TRMT61B: variants seen among roughly 807,000 people sequenced by gnomAD.
The protein encoded by TRMT61B is tRNA methyltransferase 61B, also known as tRNA (adenine(58)-N(1))-methyltransferase, mitochondrial.
A neutral mutation model predicts 52.0 loss-of-function variants in TRMT61B; 56 were observed. The observed-to-expected ratio is 1.08, with a 90% CI of 0.87 to 1.35. TRMT61B has a LOEUF of 1.35. Ranked by LOEUF, TRMT61B falls within the 40% of genes most tolerant of loss-of-function variation. The pLI is 0.00. For synonymous variants in TRMT61B, 206 were observed against 220.0 expected, an observed-to-expected ratio of 0.94 and a Z score of 0.56; for missense variants, 650 against 577.9, an observed-to-expected ratio of 1.12 and a Z score of -1.28.
chr2:28,850,706 C>G (rs1669054376), intron 5 of TRMT61B: 1 of 317,016 alleles, frequency 3.2e-6, no homozygotes, highest in Non-Finnish European at 5.7e-6. Flanking sequence ...TCAGTTCTTT[C>G]AAGAATTCCA....
rs1247685119 is a variant in TRMT61B at position 28,860,995 on chromosome 2, T to G, written c.993+123A>C. ...TAAAAGGCATGAAACGAAAATATTC[T>G]TTCAATCCCTAGAGATAGACATGAA... On this transcript the variant is annotated intron_variant, in intron 3 of 6. Coordinates refer to ENST00000306108, the MANE Select transcript of TRMT61B (RefSeq NM_017910.4). 4 of 801,242 alleles carry G rather than the reference T, an allele frequency of 5.0e-6. No homozygotes were observed. The Admixed American group carries it at 1.0e-4, about 21-fold the overall frequency. 49.6% of individuals were successfully genotyped at this position (801,242 alleles called of 1,614,324 possible).
chr2:28,862,724 C>T (rs1291027236), intron 2 of TRMT61B, among the ~76,000 whole-genome samples: 2 of 151,510 alleles, frequency 1.3e-5, no homozygotes, highest in Non-Finnish European at 2.9e-5. Context: ...GATACAGTGG[C>T]TCGCCACAGT....
rs1018160135 is a variant in TRMT61B at position 28,858,566 on chromosome 2, G to A, written c.993+2552C>T. 2.6e-5 allele frequency among the ~76,000 whole-genome samples: 4 copies of A among 151,398 alleles called. No individual in the cohort carries two copies. The South Asian group carries it at 8.4e-4, about 32-fold the overall frequency. ...TCCCAGCACTTTGGGAAGCTGAAGC[G>A]GGTGGATCGCTTGAGCCCTGGAGTT... On this transcript the variant is annotated intron_variant, in intron 3 of 6. Coordinates refer to ENST00000306108, the MANE Select transcript of TRMT61B (RefSeq NM_017910.4).
At chr2:28,864,802 T>C (rs963371553) in intron 2 of TRMT61B, among the ~76,000 whole-genome samples, 1 of 152,044 alleles carries the variant, frequency 6.6e-6, no homozygotes, top group South Asian at 2.1e-4. Context: ...ATGGAGAAAG[T>C]AAAACAAAGC....
rs144501479 is a variant in TRMT61B at position 28,850,230 on chromosome 2, T to C, written c.1403A>G (p.Lys468Arg). The C allele has an allele frequency of 1.2e-6, 2 of 1,611,942 alleles. No individual in the cohort carries two copies. Among genetic ancestry groups the C allele is most frequent in the Admixed American group, 1.7e-5 (1 of 59,958 alleles). ...AAGTTGTGGTTTGACCTTCCTCAAC[T>C]TGACAAGAAAAGCTAATTTAAGAGA... ...WQPGHTAFLV[K>R]LRKVKPQLN The change falls in exon 7 of 7, where the codon AAG becomes AGG. Residue 468 changes from lysine to arginine, a missense_variant. Physicochemically the swap from Lys to Arg is conservative, Grantham distance 26. Coordinates refer to ENST00000306108, the MANE Select transcript of TRMT61B (RefSeq NM_017910.4).
intron 3 of TRMT61B, among the ~76,000 whole-genome samples, chr2:28,856,926 C>T (rs1323563168): frequency 9.9e-5 from 15 of 151,872 alleles, no homozygotes; most frequent in African/African-American, 2.4e-4. Flanking sequence ...TGAACCACTG[C>T]GCCTGGCCAA....
chr2:28,852,537 C>G (rs1286448116), intron 3 of TRMT61B, 38 bp from the exon 4 acceptor site: 2 of 1,327,274 alleles, frequency 1.5e-6, no homozygotes, highest in African/African-American at 2.9e-5. Flanking sequence ...CAGTCTGATT[C>G]CGTTTAAATA....
chr2:28,853,334 C>A (rs533953801), intron 3 of TRMT61B, among the ~76,000 whole-genome samples: 1 of 152,172 alleles, frequency 6.6e-6, no homozygotes, highest in East Asian at 1.9e-4. Flanking sequence ...CGCCACCATT[C>A]TCAGCTAACT....
intron 2 of TRMT61B, among the ~76,000 whole-genome samples, chr2:28,862,765 C>A (rs1213168556): frequency 6.7e-6 from 1 of 149,256 alleles, no homozygotes; most frequent in Non-Finnish European, 1.5e-5. Context: ...GCAAGGCAGG[C>A]AGATCACTTG....
rs755868500 is a variant in TRMT61B at position 28,852,427 on chromosome 2, A to G, written c.1066T>C (p.Cys356Arg). The G allele has an allele frequency of 1.9e-6, 3 of 1,606,818 alleles. No homozygotes were observed. Among genetic ancestry groups the G allele is most frequent in the Admixed American group, 1.7e-5 (1 of 59,744 alleles). The stretch of plus-strand genomic sequence containing the variant: ...ACTCACTTTACTACATATACAGCAC[A>G]TACACCACCATGCTTAAGATGTGGG... ...FYPHLKHGGVCAVYVVNITQV... is the reference protein window; with the variant it reads ...FYPHLKHGGVRAVYVVNITQV... The change falls in exon 4 of 7, where the codon TGT becomes CGT. Residue 356 changes from cysteine (C) to arginine (R), a missense_variant. Cys to Arg is a radical substitution (Grantham distance 180). Coordinates refer to ENST00000306108, the MANE Select transcript of TRMT61B (RefSeq NM_017910.4).
At position 28,850,942 on chromosome 2, in the gene TRMT61B, C is replaced by T. The variant is rs372325294; in HGVS notation, c.1312+130G>A. The T allele has an allele frequency of 1.1e-5, 7 of 613,238 alleles. No individual in the cohort carries two copies. In the African/African-American group the frequency reaches 1.3e-4, roughly 12 times the overall value. 38.0% of individuals were successfully genotyped at this position (613,238 alleles called of 1,614,324 possible). On this transcript the variant is annotated intron_variant, in intron 5 of 6. Coordinates refer to ENST00000306108, the MANE Select transcript of TRMT61B (RefSeq NM_017910.4). Reference sequence around the variant, plus strand: ...AGTCATTATTCTGTGCCTTATACATCTTAACAGAATAAATATCACACTTTT... The same window carrying T: ...AGTCATTATTCTGTGCCTTATACATTTTAACAGAATAAATATCACACTTTT...
chr2:28,861,478 C>T, intron 2 of TRMT61B, 170 bp from the exon 3 acceptor site: 1 of 578,730 alleles, frequency 1.7e-6, no homozygotes, highest in South Asian at 2.4e-5. Context: ...CCTCCCTCTT[C>T]AGAGGCAACC....
intron 1 of TRMT61B, among the ~76,000 whole-genome samples, chr2:28,866,741 T>C (rs1478425849): frequency 6.6e-6 from 1 of 152,230 alleles, no homozygotes; most frequent in East Asian, 1.9e-4. Flanking sequence ...ATAATTGGAA[T>C]TGTTTTTGTT....
chr2:28,862,128 C>G (rs1269921000), intron 2 of TRMT61B, among the ~76,000 whole-genome samples: 3 of 147,650 alleles, frequency 2.0e-5, no homozygotes, highest in African/African-American at 7.5e-5. Flanking sequence ...AAGGCGTGAA[C>G]CTGGGAGGCA....
At chr2:28,853,630 G>GT (rs1234737676) in intron 3 of TRMT61B, among the ~76,000 whole-genome samples, 2 of 150,720 alleles carry the variant, frequency 1.3e-5, no homozygotes, top group East Asian at 2.0e-4. Flanking sequence ...GAGGTCAGGA[G>GT]TTTGAGAGTA....
intron 1 of TRMT61B, 101 bp from the exon 2 acceptor site, chr2:28,865,220 A>G: frequency 1.6e-6 from 1 of 640,676 alleles, no homozygotes; most frequent in Non-Finnish European, 2.8e-6. Context: ...AGGGAGTGAA[A>G]AAACGAATCA....
At position 28,856,965 on chromosome 2, in the gene TRMT61B, G is replaced by T. The variant is rs553428539; in HGVS notation, c.993+4153C>A. On this transcript the variant is annotated intron_variant, in intron 3 of 6. Transcript: ENST00000306108. ...AATTTAATTTTTGAGACAGAGTCTT[G>T]CTCTGTCACCTAGGCTAAAGTGCAG... Among the ~76,000 whole-genome samples, 932 of 151,452 alleles carry T rather than the reference G, an allele frequency of 6.2e-3. 4 individuals are homozygous for T. The highest frequency in any genetic ancestry group is 0.01 in the Non-Finnish European group (700 of 67,852).
chr2:28,860,266 T>C lies in TRMT61B; in HGVS notation c.993+852A>G, dbSNP rs562879841. 6.4e-5 allele frequency among the ~76,000 whole-genome samples: 5 copies of C among 78,514 alleles called. No homozygotes were observed. In the South Asian group the frequency reaches 2.5e-3, roughly 40 times the overall value. 51.5% of individuals were successfully genotyped at this position (78,514 alleles called of 152,430 possible). On this transcript the variant is annotated intron_variant, in intron 3 of 6. Coordinates refer to ENST00000306108, the MANE Select transcript of TRMT61B (RefSeq NM_017910.4). ...CACCCTAAGCAACAGAATGAGACTC[T>C]GTTGCCAAAAAAAAAAAAAAAAAAA...
At chr2:28,859,740 C>A (rs189742593) in intron 3 of TRMT61B, among the ~76,000 whole-genome samples, 1 of 152,250 alleles carries the variant, frequency 6.6e-6, no homozygotes, top group Non-Finnish European at 1.5e-5. Flanking sequence ...TCAATGATAT[C>A]ATTAAAATCC....
Sources: allele counts gnomAD v4.1 joint callset (sites outside exome capture counted in the v4.1 genomes callset), GRCh38; gene constraint gnomAD v4.1.1; transcripts MANE v1.5; gene names NCBI Gene and HGNC (gene_info 2026-07-23, HGNC 2026-07-21).